The following CC2D1B variants were observed in gnomAD, a reference collection of about 807,000 sequenced individuals.
CC2D1B encodes the protein coiled-coil and C2 domain containing 1B.
CC2D1B carries 92 observed loss-of-function variants against 110.8 expected under a neutral mutation model. The ratio of observed to expected loss-of-function variants is 0.83; its 90% CI spans 0.70 to 0.99. CC2D1B has a LOEUF of 0.99. CC2D1B is among the 50% of genes least tolerant of loss of function. The pLI is 0.00. For synonymous variants in CC2D1B, 406 were observed against 429.2 expected (o/e 0.95, Z 0.67); for missense variants, 1,136 against 1,089.0 (o/e 1.04, Z -0.61).
chr1:52,360,337 T>C, intron 6 of CC2D1B, 87 bp downstream of exon 6: 1 of 1,589,830 alleles, frequency 6.3e-7, no homozygotes, highest in Non-Finnish European at 8.6e-7. Flanking sequence ...TCTGGTGGGG[T>C]GACCTCCCCT....
At chr1:52,363,962 T>C (rs1445549214) in intron 2 of CC2D1B, among the ~76,000 whole-genome samples, 1 of 152,218 alleles carries the variant, frequency 6.6e-6, no homozygotes, top group Non-Finnish European at 1.5e-5. Flanking sequence ...ATTACAGGCG[T>C]GATCCACGGC....
chr1:52,353,982 CAA>C (rs1646584494), intron 23 of CC2D1B: 8 of 285,358 alleles, frequency 2.8e-5, no homozygotes, highest in Admixed American at 1.9e-4. Context: ...CACAGATGGC[CAA>C]GAGAGAGAAG....
intron 23 of CC2D1B, 166 bp from the exon 24 acceptor site, chr1:52,353,813 AGGT>A (rs1276584063): frequency 3.5e-6 from 2 of 566,362 alleles, no homozygotes; most frequent in East Asian, 3.0e-5. Flanking sequence ...TTGGAGGAGG[AGGT>A]GGTGGTGGTT....
In CC2D1B at chr1:52,356,660, C is replaced by G; in HGVS notation, c.1879-218G>C. 8.2e-6 allele frequency: 5 copies of G among 613,468 alleles called. No homozygotes were observed. In the South Asian group the frequency reaches 8.2e-5, roughly 10 times the overall value. The allele number at this position is 613,468 out of a possible 1,614,324, so 38.0% of individuals were successfully genotyped here. A position where few individuals can be genotyped will look rare whatever the true frequency, so the allele number is the denominator to read the frequency against. On this transcript the variant is annotated intron_variant, in intron 16 of 24. Coordinates refer to ENST00000284376, the MANE Select transcript of CC2D1B (RefSeq NM_001330585.2). Reference sequence around the variant, plus strand: ...TGAGGAGAGCCATTCCCCAAATTAGCAACTCCTTCCATCAAAACCTAACTC... The same window carrying G: ...TGAGGAGAGCCATTCCCCAAATTAGGAACTCCTTCCATCAAAACCTAACTC...
intron 12 of CC2D1B, 85 bp from the exon 13 acceptor site, chr1:52,358,546 T>G: frequency 6.3e-7 from 1 of 1,596,312 alleles, no homozygotes; most frequent in Non-Finnish European, 8.6e-7. Context: ...GGGGCATGGC[T>G]CTGCTGGGGC....
chr1:52,357,228 C>A (rs758201448), intron 15 of CC2D1B, 102 bp from the exon 16 acceptor site: 5 of 1,397,976 alleles, frequency 3.6e-6, no homozygotes, highest in Non-Finnish European at 5.0e-6. Flanking sequence ...TCAGCTTCTA[C>A]TAAAGTCCAG....
chr1:52,359,262 G>C lies in CC2D1B; in HGVS notation c.1114C>G (p.Pro372Ala). 4 of 1,612,330 alleles carry C rather than the reference G, an allele frequency of 2.5e-6. No homozygotes were observed. The South Asian group carries it at 4.4e-5, about 18-fold the overall frequency. Residue 372 changes from proline to alanine, a missense_variant, in exon 10 of 25, where the codon CCA (proline) becomes GCA (alanine). Physicochemically the swap from Pro to Ala is conservative, Grantham distance 27. Transcript: ENST00000284376. ...CATCCTGCCCTACCTGGGGTTGCTG[G>C]GACGTCAGGGGCCATCACTGGCTGC... ...RVQPVMAPDV[P>A]ATPVAPTESQ...
rs1425252824 is a variant in CC2D1B at position 52,358,102 on chromosome 1, G to A, written c.1462-204C>T. 5 of 890,030 alleles carry A rather than the reference G, an allele frequency of 5.6e-6. No individual in the cohort carries two copies. The Admixed American group carries it at 9.4e-5, about 17-fold the overall frequency. 55.1% of individuals were successfully genotyped at this position (890,030 alleles called of 1,614,324 possible). On this transcript the variant is annotated intron_variant, in intron 13 of 24. Coordinates refer to ENST00000284376, the MANE Select transcript of CC2D1B (RefSeq NM_001330585.2). Reference sequence around the variant, plus strand: ...CATCTAACCTCCCCAGCAGGAGAGAGACTGCAGGGTAATGGGGATGGAGCC... The same window carrying A: ...CATCTAACCTCCCCAGCAGGAGAGAAACTGCAGGGTAATGGGGATGGAGCC...
Position 52,359,688 on chromosome 1 carries a change from T to C in CC2D1B, c.942+17A>G, listed in dbSNP as rs1304231047. ...ATCTATAAAATGAGGGTGGGTGCCC[T>C]GAGCCAGATGCCATACCTTCCCAAT... On this transcript the variant is annotated intron_variant, in intron 8 of 24. Coordinates refer to ENST00000284376, the MANE Select transcript of CC2D1B (RefSeq NM_001330585.2). The C allele has an allele frequency of 6.3e-7, 1 of 1,579,158 alleles. No homozygotes were observed. The highest frequency in any genetic ancestry group is 8.6e-7 in the Non-Finnish European group (1 of 1,161,806).
At position 52,353,581 on chromosome 1, in the gene CC2D1B, T is replaced by C. The variant is rs143725276; in HGVS notation, c.2497A>G (p.Ser833Gly). Residue 833 changes from serine (S) to glycine (G), a missense_variant, in exon 24 of 25, where the codon AGT becomes GGT. Ser to Gly is a moderately conservative substitution (Grantham distance 56, BLOSUM62 0). Transcript: ENST00000284376. ...EVKVRLREPL[S>G]GQDVQMVTEN... ...GTGACCATCTGCACATCCTGGCCAC[T>C]CAGAGGCTCCCGCAGCCTCACCTTC... 21 of 1,613,776 alleles carry C rather than the reference T, an allele frequency of 1.3e-5. No individual in the cohort carries two copies. In the African/African-American group the frequency reaches 1.6e-4, roughly 12 times the overall value.
At position 52,353,223 on chromosome 1, in the gene CC2D1B, GCTA is replaced by G; in HGVS notation, c.*2-3_*2-1del. The G allele has an allele frequency of 7.3e-7, 1 of 1,363,112 alleles. No homozygotes were observed. The highest frequency in any genetic ancestry group is 9.7e-7 in the Non-Finnish European group (1 of 1,028,030). The allele number at this position is 1,363,112 out of a possible 1,614,324, so 84.4% of individuals were successfully genotyped here. ...ACTCCTCTCCTGGTGCTGGCCATCG[GCTA>G]CACAGGGGTGCAAAGCACAAGAAGT... On this transcript the variant is annotated splice_acceptor_variant and splice_polypyrimidine_tract_variant and intron_variant, in intron 24 of 24. Coordinates refer to ENST00000284376, the MANE Select transcript of CC2D1B (RefSeq NM_001330585.2). LOFTEE classifies it low-confidence loss of function (3UTR_SPLICE).
Position 52,360,554 on chromosome 1 carries a change from GA to G in CC2D1B, c.478-6del. The G allele has an allele frequency of 6.2e-7, 1 of 1,613,270 alleles. No individual in the cohort carries two copies. ...TAGCCCCTGAGATGCTCCGGCCTAT[GA>G]ACAATTCAGCTAAGGGCCTGGCCAC... On this transcript the variant is annotated splice_region_variant and splice_polypyrimidine_tract_variant and intron_variant, in intron 5 of 24. Coordinates refer to ENST00000284376, the MANE Select transcript of CC2D1B (RefSeq NM_001330585.2).
chr1:52,364,612 T>G lies in CC2D1B; in HGVS notation c.9A>C (p.Pro3=), dbSNP rs1303772853. 1 of 1,607,334 alleles carries G rather than the reference T, an allele frequency of 6.2e-7. No individual in the cohort carries two copies. The part of the protein sequence containing the change: MM[P]GPRPRKGPQA... ...GAGGGCCCTTCCGAGGTCTTGGCCC[T>G]GGCATCATGGCAGCCTAGATACCTA... Residue 3 remains proline (P), a synonymous_variant, in exon 2 of 25, where the codon CCA becomes CCC. Coordinates refer to ENST00000284376, the MANE Select transcript of CC2D1B (RefSeq NM_001330585.2).
At chr1:52,364,681 C>A in intron 1 of CC2D1B, 47 bp from the exon 2 acceptor site, 1 of 1,323,660 alleles carries the variant, frequency 7.6e-7, no homozygotes, top group Non-Finnish European at 1.1e-6. Flanking sequence ...CCATAAGCCA[C>A]GCCCCCAACA....
rs922348077 is a variant in CC2D1B at position 52,360,423 on chromosome 1, C to T, written c.603+1G>A. 2 of 1,613,342 alleles carry T rather than the reference C, an allele frequency of 1.2e-6. No individual in the cohort carries two copies. Among genetic ancestry groups the T allele is most frequent in the Non-Finnish European group, 1.7e-6 (2 of 1,179,818 alleles). ...CCTGCTCCCAGCCTAGCCCGACTCACCTTCAGGCCGCGCTCGCAGCGCCTG... is the reference window on the plus strand; with the variant it reads ...CCTGCTCCCAGCCTAGCCCGACTCATCTTCAGGCCGCGCTCGCAGCGCCTG... On this transcript the variant is annotated splice_donor_variant, in intron 6 of 24. Coordinates refer to ENST00000284376, the MANE Select transcript of CC2D1B (RefSeq NM_001330585.2). LOFTEE classifies it high-confidence loss of function.
intron 12 of CC2D1B, 83 bp downstream of exon 12, chr1:52,358,603 A>C (rs1401830123): frequency 1.3e-6 from 2 of 1,564,018 alleles, no homozygotes; most frequent in Non-Finnish European, 1.8e-6. Flanking sequence ...ACGCATGAGA[A>C]GTGGGAATCA....
At chr1:52,356,537 C>A (rs1646656874) in intron 16 of CC2D1B, 95 bp from the exon 17 acceptor site, 4 of 1,339,758 alleles carry the variant, frequency 3.0e-6, no homozygotes, top group Admixed American at 1.7e-5. Context: ...CAACTTTCCT[C>A]TGTAGCCTCA....
At position 52,362,604 on chromosome 1, in the gene CC2D1B, T is replaced by G. The variant is rs1276895195; in HGVS notation, c.212A>C (p.Gln71Pro). 6.2e-7 allele frequency: 1 copy of G among 1,614,192 alleles called. No individual in the cohort carries two copies. The highest frequency in any genetic ancestry group is 8.5e-7 in the Non-Finnish European group (1 of 1,180,026). The change falls in exon 3 of 25, where the codon CAG becomes CCG. Residue 71 changes from glutamine (Q) to proline (P), a missense_variant and splice_region_variant. Transcript: ENST00000284376. The stretch of plus-strand genomic sequence containing the variant: ...ACCAGCCCTGTGTCCAAACTCACCC[T>G]GCCCCTTGGGTGCTGGCTTCTTGCC... ...TTGKKPAPKG[Q>P]APLPMAHIEK... is the part of the protein sequence containing the mutation.
intron 24 of CC2D1B, 66 bp downstream of exon 24, chr1:52,353,452 T>G: frequency 3.9e-6 from 6 of 1,547,080 alleles, no homozygotes; most frequent in East Asian, 2.3e-5. Flanking sequence ...TCTCCAGATA[T>G]GAGTTGAGTA....
Sources: allele counts gnomAD v4.1 joint callset (sites outside exome capture counted in the v4.1 genomes callset), GRCh38; gene constraint gnomAD v4.1.1; transcripts MANE v1.5; gene names NCBI Gene and HGNC (gene_info 2026-07-23, HGNC 2026-07-21).